The following DIAPH2 variants were observed in gnomAD, a reference collection of about 807,000 sequenced individuals.
DIAPH2 encodes protein diaphanous homolog 2.
DIAPH2 carries 35 observed loss-of-function variants against 92.7 expected under a neutral mutation model. That is an observed-to-expected ratio of 0.38 (90% CI 0.29 to 0.50). The LOEUF (loss-of-function observed/expected upper bound fraction) is 0.50, where lower values mean the gene tolerates loss of function less well. Among genes scored for constraint, DIAPH2 ranks in the 20% least tolerant of loss-of-function variants. DIAPH2 has a pLI of 0.94. For synonymous variants in DIAPH2, 301 were observed against 280.4 expected (o/e 1.07, Z -0.73); for missense variants, 701 against 819.5 (o/e 0.86, Z 1.77).
rs756539684 is a variant in DIAPH2 at position 97,320,110 on chromosome X, T to A, written c.2845-28006T>A. 7.6e-3 allele frequency among the ~76,000 whole-genome samples: 779 copies of A among 103,162 alleles called. 1 individual carries two copies. The highest frequency in any genetic ancestry group is 0.011 in the Non-Finnish European group (578 of 50,944). 89.6% of individuals were successfully genotyped at this position (103,162 alleles called of 115,157 possible). ...GTGAGACTCTGTCTCAAAAAAAAAA[T>A]ATATATATATATAATTGATAATAAA... On this transcript the variant is annotated intron_variant, in intron 23 of 26. Transcript: ENST00000324765.
At chrX:97,496,871 A>G (rs1400268952) in intron 26 of DIAPH2, among the ~76,000 whole-genome samples, 2 of 111,571 alleles carry the variant, frequency 1.8e-5, no homozygotes, top group East Asian at 5.6e-4. Flanking sequence ...AAAGGGAGAT[A>G]ATAATTCCAA....
At chrX:96,959,782 T>A (rs1050143435) in intron 16 of DIAPH2, among the ~76,000 whole-genome samples, 2 of 111,469 alleles carry the variant, frequency 1.8e-5, no homozygotes, top group African/African-American at 6.5e-5. Flanking sequence ...CAATGTTGAG[T>A]CCATTTTTAT....
rs1013104681 is a variant in DIAPH2, at chrX:97,409,251, T to G, written c.3146-20399T>G. On this transcript the variant is annotated intron_variant, in intron 25 of 26. Transcript: ENST00000324765. ...TTGGGATAAGAAGTCATTAGGGGTA[T>G]GGTTGGGTGGGGAATTTGTCCACGA... 9.0e-5 allele frequency among the ~76,000 whole-genome samples: 10 copies of G among 111,672 alleles called. 1 individual carries two copies. The highest frequency in any genetic ancestry group is 1.3e-4 in the African/African-American group (4 of 30,699).
intron 25 of DIAPH2, among the ~76,000 whole-genome samples, chrX:97,392,038 A>G (rs1157406051): frequency 1.8e-5 from 2 of 112,138 alleles, no homozygotes; most frequent in Non-Finnish European, 3.8e-5. Context: ...AGATATGATT[A>G]AATATTAAAG....
chrX:97,087,509 A>C (rs990718840), intron 19 of DIAPH2, among the ~76,000 whole-genome samples: 1 of 111,396 alleles, frequency 9.0e-6, no homozygotes, highest in African/African-American at 3.3e-5. Flanking sequence ...AGTGTAGTGG[A>C]AAAAAAATTC....
chrX:97,105,423 G>C (rs925608996), intron 20 of DIAPH2, among the ~76,000 whole-genome samples: 3 of 111,745 alleles, frequency 2.7e-5, no homozygotes, highest in Non-Finnish European at 5.6e-5. Context: ...TCTTGTTTAG[G>C]GGGTAGATTG....
intron 26 of DIAPH2, among the ~76,000 whole-genome samples, chrX:97,494,719 G>A (rs1367138205): frequency 8.9e-6 from 1 of 111,801 alleles, no homozygotes; most frequent in African/African-American, 3.3e-5. Flanking sequence ...GATTTGTGTG[G>A]GAGGATTCCT....
intron 23 of DIAPH2, among the ~76,000 whole-genome samples, chrX:97,270,384 C>A (rs2068376684): frequency 8.9e-6 from 1 of 112,210 alleles, no homozygotes; most frequent in African/African-American, 3.2e-5. Flanking sequence ...TACTATTAAC[C>A]TCATTTTACA....
At chrX:97,414,882 C>T (rs755972542) in intron 25 of DIAPH2, among the ~76,000 whole-genome samples, 4 of 111,143 alleles carry the variant, frequency 3.6e-5, no homozygotes, top group East Asian at 2.8e-4. Context: ...AAAGTGCTTC[C>T]GCACAGCAAA....
intron 10 of DIAPH2, among the ~76,000 whole-genome samples, chrX:96,933,548 A>G (rs1368842529): frequency 9.6e-6 from 1 of 103,961 alleles, no homozygotes. Flanking sequence ...GTGTATATAT[A>G]TATGTGTGTG....
rs185879756 is a variant in DIAPH2, at chrX:97,539,461, A to G, written c.3242-59792A>G. ...AATTCTAGAAGAAATTGAAGGTTCA[A>G]AATTGGAATTCGCTTGAGTTTCATT... is the stretch of plus-strand genomic sequence containing the variant. On this transcript the variant is annotated intron_variant, in intron 26 of 26. Transcript: ENST00000324765. 7.1e-5 allele frequency among the ~76,000 whole-genome samples: 8 copies of G among 112,175 alleles called. 1 individual carries two copies. The Admixed American group carries it at 7.6e-4, about 11-fold the overall frequency.
chrX:97,488,181 T>C (rs1286195932), intron 26 of DIAPH2, among the ~76,000 whole-genome samples: 1 of 111,212 alleles, frequency 9.0e-6, no homozygotes, highest in African/African-American at 3.3e-5. Context: ...TTATTAGAGA[T>C]GGGGTTTCTC....
chrX:97,140,322 C>A (rs1364112407), intron 21 of DIAPH2, among the ~76,000 whole-genome samples: 2 of 111,721 alleles, frequency 1.8e-5, no homozygotes, highest in Admixed American at 9.5e-5. Flanking sequence ...ATTGATTCCT[C>A]TACAGCTGCT....
At chrX:97,320,497 TG>T (rs2068883191) in intron 23 of DIAPH2, among the ~76,000 whole-genome samples, 1 of 110,900 alleles carries the variant, frequency 9.0e-6, no homozygotes, top group Non-Finnish European at 1.9e-5. Flanking sequence ...GCGGATCACC[TG>T]AGGTCAGGAG....
At chrX:97,211,947 C>T (rs1266315513) in intron 22 of DIAPH2, among the ~76,000 whole-genome samples, 3 of 111,146 alleles carry the variant, frequency 2.7e-5, no homozygotes, top group Non-Finnish European at 3.8e-5. Flanking sequence ...TAAAAAGAAA[C>T]GACTAAGAAA....
intron 9 of DIAPH2, among the ~76,000 whole-genome samples, chrX:96,925,824 T>C (rs776129195): frequency 8.9e-6 from 1 of 111,744 alleles, no homozygotes; most frequent in Non-Finnish European, 1.9e-5. Flanking sequence ...TGTGCTTTGT[T>C]TCCTATAGAT....
At position 96,927,282 on chromosome X, in the gene DIAPH2, ATTTTTTTT is replaced by A. The variant is rs5903060; in HGVS notation, c.979-3438_979-3431del. 3.0e-3 allele frequency among the ~76,000 whole-genome samples: 243 copies of A among 82,128 alleles called. 1 individual carries two copies. Among genetic ancestry groups the A allele is most frequent in the African/African-American group, 0.01 (227 of 22,479 alleles). 71.3% of individuals were successfully genotyped at this position (82,128 alleles called of 115,157 possible). On this transcript the variant is annotated intron_variant, in intron 9 of 26. Transcript: ENST00000324765. ...GATTATTTTCTGTCTCTGGAGTTGAATTTTTTTTTTTTTTTTTTTTGGAAAGCAGATTG... is the reference window on the plus strand; with the variant it reads ...GATTATTTTCTGTCTCTGGAGTTGAATTTTTTTTTTTTGGAAAGCAGATTG...
In DIAPH2 at chrX:97,554,904, G is replaced by T. The variant is rs192110119; in HGVS notation, c.3242-44349G>T. ...AATAATGCCTGGTGTCTCAACGCTG[G>T]CCCACAAACTAGTCTACTCTACACA... On this transcript the variant is annotated intron_variant, in intron 26 of 26. Coordinates refer to ENST00000324765, the MANE Select transcript of DIAPH2 (RefSeq NM_006729.5). Among the ~76,000 whole-genome samples, 7 of 111,181 alleles carry T rather than the reference G, an allele frequency of 6.3e-5. No homozygotes were observed. The East Asian group carries it at 2.0e-3, about 31-fold the overall frequency.
At chrX:97,006,938 T>C (rs1385991270) in intron 17 of DIAPH2, among the ~76,000 whole-genome samples, 1 of 111,434 alleles carries the variant, frequency 9.0e-6, no homozygotes, top group East Asian at 2.8e-4. Context: ...GTGTATCCTT[T>C]GTATGTTGTT....
Sources: gnomAD v4.1 joint callset for allele counts (sites outside exome capture counted in the v4.1 genomes callset) on GRCh38, gnomAD v4.1.1 for gene constraint, MANE v1.5 for transcripts, NCBI Gene and HGNC (gene_info 2026-07-23, HGNC 2026-07-21) for gene names.